Variants in ZNF804B observed in about 807,000 individuals in gnomAD.
ZNF804B encodes zinc finger protein 804B.
A neutral mutation model predicts 101.4 loss-of-function variants in ZNF804B; 80 were observed. That is an observed-to-expected ratio of 0.79 (90% CI 0.66 to 0.95). ZNF804B has a LOEUF of 0.95. Among genes scored for constraint, ZNF804B ranks in the 40% least tolerant of loss-of-function variants. ZNF804B has a pLI of 0.00. For missense variants in ZNF804B, 1,673 were observed against 1,561.9 expected (o/e 1.07, Z -1.20); for synonymous variants, 622 against 558.8 (o/e 1.11, Z -1.59).
At chr7:89,316,434 A>G (rs930765552) in intron 2 of ZNF804B, among the ~76,000 whole-genome samples, 1 of 152,144 alleles carries the variant, frequency 6.6e-6, no homozygotes, top group Non-Finnish European at 1.5e-5. Context: ...TAATATCATA[A>G]TATCAAATAT....
At chr7:89,135,374 G>T (rs1790615660) in intron 1 of ZNF804B, among the ~76,000 whole-genome samples, 1 of 152,014 alleles carries the variant, frequency 6.6e-6, no homozygotes, top group African/African-American at 2.4e-5. Context: ...TGTCTTCTCT[G>T]CATGATCACC....
At chr7:88,834,345 T>C (rs1445074963) in intron 1 of ZNF804B, among the ~76,000 whole-genome samples, 2 of 151,826 alleles carry the variant, frequency 1.3e-5, no homozygotes, top group Admixed American at 6.6e-5. Context: ...CCTAGTATTA[T>C]GTATTAAGAC....
chr7:89,117,670 G>T (rs1049777980), intron 1 of ZNF804B, among the ~76,000 whole-genome samples: 1 of 152,068 alleles, frequency 6.6e-6, no homozygotes, highest in Non-Finnish European at 1.5e-5. Context: ...TGACTAAATT[G>T]TAATTATATT....
intron 1 of ZNF804B, among the ~76,000 whole-genome samples, chr7:89,017,034 C>T (rs1409588682): frequency 1.3e-5 from 2 of 152,106 alleles, no homozygotes; most frequent in Non-Finnish European, 2.9e-5. Context: ...TGTAGTTCTC[C>T]TTGAAGAGGT....
intron 1 of ZNF804B, among the ~76,000 whole-genome samples, chr7:89,199,926 AAT>A: frequency 6.7e-6 from 1 of 148,460 alleles, no homozygotes; most frequent in South Asian, 2.1e-4. Flanking sequence ...TATATTATAC[AAT>A]ATGTGTGTAT....
chr7:89,132,326 A>C, intron 1 of ZNF804B, among the ~76,000 whole-genome samples: 1 of 152,092 alleles, frequency 6.6e-6, no homozygotes, highest in Non-Finnish European at 1.5e-5. Flanking sequence ...AAAACAAAAC[A>C]AAACAAAGAC....
At chr7:88,915,927 T>A (rs1465473640) in intron 1 of ZNF804B, among the ~76,000 whole-genome samples, 1 of 151,930 alleles carries the variant, frequency 6.6e-6, no homozygotes, top group East Asian at 1.9e-4. Context: ...CTACAAAAGG[T>A]TTAGTTAAGT....
intron 2 of ZNF804B, among the ~76,000 whole-genome samples, chr7:89,306,707 A>T (rs1253086872): frequency 6.6e-6 from 1 of 151,986 alleles, no homozygotes; most frequent in East Asian, 1.9e-4. Context: ...GGGTGTAGGG[A>T]AGATACATAA....
At chr7:88,970,293 AC>A (rs1232988093) in intron 1 of ZNF804B, among the ~76,000 whole-genome samples, 1 of 151,444 alleles carries the variant, frequency 6.6e-6, no homozygotes, top group Non-Finnish European at 1.5e-5. Flanking sequence ...GCACCCATCA[AC>A]CCATCACCTA....
chr7:88,784,930 T>C (rs1790277562), intron 1 of ZNF804B, among the ~76,000 whole-genome samples: 1 of 152,166 alleles, frequency 6.6e-6, no homozygotes, highest in Non-Finnish European at 1.5e-5. Context: ...GCTCTTTTTA[T>C]TTTCCGTAGG....
chr7:88,933,310 A>C (rs367739105), intron 1 of ZNF804B, among the ~76,000 whole-genome samples: 7 of 151,848 alleles, frequency 4.6e-5, no homozygotes, highest in African/African-American at 1.7e-4. Flanking sequence ...GTAATAAAAG[A>C]CATATATGAC....
chr7:88,784,333 A>G (rs1790268770), intron 1 of ZNF804B, among the ~76,000 whole-genome samples: 1 of 152,206 alleles, frequency 6.6e-6, no homozygotes. Context: ...TCTAGAGATT[A>G]GTGCAATTAT....
intron 1 of ZNF804B, among the ~76,000 whole-genome samples, chr7:88,808,688 C>G (rs1456501582): frequency 6.6e-6 from 1 of 152,076 alleles, no homozygotes; most frequent in East Asian, 1.9e-4. Flanking sequence ...TTTGGTCCTC[C>G]TGGAAAAGCA....
At chr7:88,858,602 G>A (rs1051368310) in intron 1 of ZNF804B, among the ~76,000 whole-genome samples, 4 of 152,108 alleles carry the variant, frequency 2.6e-5, no homozygotes, top group Admixed American at 1.3e-4. Context: ...CCCTGAAGTG[G>A]TAGAGCAGAA....
At chr7:88,761,274 C>T (rs1789891213) in intron 1 of ZNF804B, among the ~76,000 whole-genome samples, 1 of 152,166 alleles carries the variant, frequency 6.6e-6, no homozygotes, top group South Asian at 2.1e-4. Flanking sequence ...CTTTTATGTA[C>T]TATAAAAAGT....
chr7:88,861,898 A>G (rs571361151), intron 1 of ZNF804B, among the ~76,000 whole-genome samples: 2 of 152,304 alleles, frequency 1.3e-5, no homozygotes, highest in East Asian at 3.9e-4. Flanking sequence ...TTATGGGAAC[A>G]AGAAGGAGAT....
chr7:88,829,727 CATTT>C (rs1360017154), intron 1 of ZNF804B, among the ~76,000 whole-genome samples: 1 of 152,014 alleles, frequency 6.6e-6, no homozygotes, highest in Non-Finnish European at 1.5e-5. Flanking sequence ...TGGAAACATT[CATTT>C]GTTAAAATGC....
At chr7:89,174,978 A>G (rs892002316) in intron 1 of ZNF804B, among the ~76,000 whole-genome samples, 39 of 152,012 alleles carry the variant, frequency 2.6e-4, no homozygotes, top group African/African-American at 9.4e-4. Flanking sequence ...CTCCTTATAT[A>G]TTCTACTTAT....
chr7:88,911,561 C>T (rs1403523809), intron 1 of ZNF804B, among the ~76,000 whole-genome samples: 3 of 150,984 alleles, frequency 2.0e-5, no homozygotes, highest in Non-Finnish European at 4.4e-5. Context: ...TAAGGCTACA[C>T]CACCAGCACA....
Sources: allele counts gnomAD v4.1 joint callset (sites outside exome capture counted in the v4.1 genomes callset), GRCh38; gene constraint gnomAD v4.1.1; transcripts MANE v1.5; gene names NCBI Gene and HGNC (gene_info 2026-07-23, HGNC 2026-07-21).